The following ABHD12B variants were observed in gnomAD, a reference collection of about 807,000 sequenced individuals.
ABHD12B encodes the protein abhydrolase domain containing 12B, also known as protein ABHD12B.
ABHD12B carries 42 observed loss-of-function variants against 50.4 expected under a neutral mutation model. The observed-to-expected ratio is 0.83, with a 90% CI of 0.65 to 1.08. The LOEUF (loss-of-function observed/expected upper bound fraction) is 1.08. Among genes scored for constraint, ABHD12B ranks in the 50% least tolerant of loss-of-function variants. ABHD12B has a pLI of 0.00. For missense variants in ABHD12B, 479 were observed against 447.7 expected, an observed-to-expected ratio of 1.07 and a Z score of -0.63; for synonymous variants, 167 against 160.3, an observed-to-expected ratio of 1.04 and a Z score of -0.32.
chr14:50,873,027 C>G (rs2049807394), intron 1 of ABHD12B, among the ~76,000 whole-genome samples: 1 of 152,176 alleles, frequency 6.6e-6, no homozygotes, highest in Non-Finnish European at 1.5e-5. Context: ...ATCGTGGACC[C>G]AGGACACGTG....
intron 9 of ABHD12B, chr14:50,892,278 T>C: frequency 3.1e-6 from 1 of 320,572 alleles, no homozygotes; most frequent in Non-Finnish European, 4.5e-6. Flanking sequence ...GAGACAGAGA[T>C]TTGGTGTGTT....
intron 9 of ABHD12B, among the ~76,000 whole-genome samples, chr14:50,894,914 C>A (rs975838139): frequency 6.7e-6 from 1 of 149,020 alleles, no homozygotes; most frequent in Non-Finnish European, 1.5e-5. Context: ...ACCCTATAAT[C>A]TTTTTATCGC....
intron 9 of ABHD12B, among the ~76,000 whole-genome samples, chr14:50,897,502 G>C (rs971527254): frequency 3.5e-4 from 54 of 152,214 alleles, no homozygotes; most frequent in African/African-American, 1.1e-3. Flanking sequence ...TCTTTGTTTT[G>C]ATTAGTGTTT....
chr14:50,891,909 T>C (rs2050125045), intron 9 of ABHD12B: 1 of 152,252 alleles, frequency 6.6e-6, no homozygotes, highest in African/African-American at 2.4e-5. Flanking sequence ...TAATATACTA[T>C]GGTCTTTTAA....
At chr14:50,890,541 G>A (rs2050103516) in intron 9 of ABHD12B, among the ~76,000 whole-genome samples, 1 of 152,030 alleles carries the variant, frequency 6.6e-6, no homozygotes, top group East Asian at 1.9e-4. Context: ...TTTTGTCTGT[G>A]AACTTTATAT....
At chr14:50,885,946 G>A in intron 7 of ABHD12B, 51 bp downstream of exon 7, 2 of 1,608,082 alleles carry the variant, frequency 1.2e-6, no homozygotes, top group East Asian at 4.5e-5. Context: ...AGGCTTTAGT[G>A]TCCTATCAAA....
intron 9 of ABHD12B, among the ~76,000 whole-genome samples, chr14:50,894,018 G>A (rs1004389179): frequency 2.0e-5 from 3 of 152,236 alleles, no homozygotes; most frequent in Non-Finnish European, 4.4e-5. Context: ...CGTTTCAAGG[G>A]TGTCAGACCA....
intron 11 of ABHD12B, 37 bp from the exon 12 acceptor site, chr14:50,904,037 A>T: frequency 5.9e-6 from 9 of 1,537,470 alleles, no homozygotes; most frequent in Non-Finnish European, 8.0e-6. Context: ...TACAGCTTTG[A>T]ATGGCCATCC....
At chr14:50,883,642 G>A (rs1443635753) in intron 5 of ABHD12B, among the ~76,000 whole-genome samples, 1 of 152,262 alleles carries the variant, frequency 6.6e-6, no homozygotes, top group Non-Finnish European at 1.5e-5. Context: ...AGCTGTAGGT[G>A]TGAAATGCTG....
chr14:50,874,896 A>G (rs755318721), intron 1 of ABHD12B, among the ~76,000 whole-genome samples: 30 of 152,208 alleles, frequency 2.0e-4, no homozygotes, highest in Admixed American at 3.3e-4. Context: ...ATTGTAAGTA[A>G]AAAAAAGAAA....
At chr14:50,882,411 C>G (rs1435967969) in intron 5 of ABHD12B, among the ~76,000 whole-genome samples, 11 of 112,016 alleles carry the variant, frequency 9.8e-5, no homozygotes, top group Non-Finnish European at 1.8e-4. Flanking sequence ...GAGTCTCGCT[C>G]TGTTGCCCAG....
Position 50,895,479 on chromosome 14 carries a change from T to C in ABHD12B, c.781-6350T>C, listed in dbSNP as rs377532815. 4 of 152,238 alleles carry C rather than the reference T, an allele frequency of 2.6e-5. No homozygotes were observed. In the East Asian group the frequency reaches 7.7e-4, roughly 29 times the overall value. 9.4% of individuals were successfully genotyped at this position (152,238 alleles called of 1,614,324 possible). A position where few individuals can be genotyped will look rare whatever the true frequency, so the allele number is the denominator to read the frequency against. The stretch of plus-strand genomic sequence containing the variant: ...GAAATCTGGCCACTGGGCCAAGGAA[T>C]GCCCGCAGCCCGGGATTCCTCCTAA... On this transcript the variant is annotated intron_variant, in intron 9 of 12. Coordinates refer to ENST00000337334, the MANE Select transcript of ABHD12B (RefSeq NM_001206673.2).
At chr14:50,881,926 G>GTATTATTAAGGTGCAAAAT (rs2049955894) in intron 5 of ABHD12B, among the ~76,000 whole-genome samples, 2 of 151,454 alleles carry the variant, frequency 1.3e-5, no homozygotes, top group East Asian at 1.9e-4. Context: ...GGTTGAGAGA[G>GTATTATTAAGGTGCAAAAT]GTTTTTTTTG....
In ABHD12B at chr14:50,895,490, C is replaced by CGG. The variant is rs535076022; in HGVS notation, c.781-6337_781-6336dup. 2.0e-5 allele frequency: 3 copies of CGG among 150,436 alleles called. No individual in the cohort carries two copies. In the East Asian group the frequency reaches 5.8e-4, roughly 29 times the overall value. 9.3% of individuals were successfully genotyped at this position (150,436 alleles called of 1,614,324 possible). On this transcript the variant is annotated intron_variant, in intron 9 of 12. Transcript: ENST00000337334. ...ACTGGGCCAAGGAATGCCCGCAGCCCGGGATTCCTCCTAAGCCGCGTCCCA... is the reference window on the plus strand; with the variant it reads ...ACTGGGCCAAGGAATGCCCGCAGCCCGGGGGATTCCTCCTAAGCCGCGTCCCA...
chr14:50,892,335 G>T (rs2142755176), intron 9 of ABHD12B: 1 of 842,916 alleles, frequency 1.2e-6, no homozygotes, highest in Admixed American at 6.2e-5. Context: ...AAAAGGGAAT[G>T]AGGGTAGTAG....
chr14:50,903,893 G>A (rs1298630162), intron 11 of ABHD12B, 181 bp from the exon 12 acceptor site: 14 of 601,224 alleles, frequency 2.3e-5, no homozygotes, highest in Non-Finnish European at 3.5e-5. Flanking sequence ...TATATTAGCT[G>A]AGCAGCATTC....
chr14:50,897,051 T>A lies in ABHD12B; in HGVS notation c.781-4778T>A, dbSNP rs79419146. Among the ~76,000 whole-genome samples, 185 of 151,416 alleles carry A rather than the reference T, an allele frequency of 1.2e-3. 3 individuals are homozygous for A. The East Asian group carries it at 0.028, about 23-fold the overall frequency. The stretch of plus-strand genomic sequence containing the variant: ...TATGTTGTTAGGTACATAAGCCTAA[T>A]AATATTATGATTTAGTTTAGTTTTT... On this transcript the variant is annotated intron_variant, in intron 9 of 12. Coordinates refer to ENST00000337334, the MANE Select transcript of ABHD12B (RefSeq NM_001206673.2).
Position 50,880,517 on chromosome 14 carries a change from C to T in ABHD12B, c.401C>T (p.Ala134Val). Residue 134 changes from alanine to valine, a missense_variant, in exon 4 of 13, where the codon GCC (alanine) becomes GTC (valine). Coordinates refer to ENST00000337334, the MANE Select transcript of ABHD12B (RefSeq NM_001206673.2). Reference protein sequence around the residue: ...KGKDCCWYEAALRDGNPIIVY... With the variant: ...KGKDCCWYEAVLRDGNPIIVY... Reference sequence around the variant, plus strand: ...AAGGACTGTTGCTGGTATGAAGCAGCCCTTCGTGATGGGAACCCAATTATT... The same window carrying T: ...AAGGACTGTTGCTGGTATGAAGCAGTCCTTCGTGATGGGAACCCAATTATT... The T allele has an allele frequency of 6.2e-7, 1 of 1,608,766 alleles. No homozygotes were observed. Among genetic ancestry groups the T allele is most frequent in the East Asian group, 2.3e-5 (1 of 44,376 alleles).
intron 9 of ABHD12B, chr14:50,892,419 G>T (rs917629985): frequency 2.6e-5 from 26 of 985,340 alleles, no homozygotes; most frequent in Non-Finnish European, 2.9e-5. Context: ...TTCAGGCGGG[G>T]TGCTAAGCTT....
Sources: gnomAD v4.1 joint callset for allele counts (sites outside exome capture counted in the v4.1 genomes callset) on GRCh38, gnomAD v4.1.1 for gene constraint, MANE v1.5 for transcripts, NCBI Gene and HGNC (gene_info 2026-07-23, HGNC 2026-07-21) for gene names.